Variants in ZMYND8 observed in about 807,000 individuals in gnomAD.
ZMYND8 encodes zinc finger MYND-type containing 8, also known as MYND-type zinc finger-containing chromatin reader ZMYND8.
ZMYND8 carries 37 observed loss-of-function variants against 140.8 expected under a neutral mutation model. The observed-to-expected ratio is 0.26, with a 90% confidence interval of 0.20 to 0.35. The LOEUF is 0.35. ZMYND8 is among the 10% of genes least tolerant of loss of function. The pLI is 1.00. For missense variants in ZMYND8, 1,068 were observed against 1,570.0 expected, an observed-to-expected ratio of 0.68 and a Z score of 5.40; for synonymous variants, 592 against 597.1, an observed-to-expected ratio of 0.99 and a Z score of 0.12.
At chr20:47,244,288 C>A (rs1371098825) in intron 14 of ZMYND8, among the ~76,000 whole-genome samples, 1 of 152,216 alleles carries the variant, frequency 6.6e-6, no homozygotes, top group Admixed American at 6.5e-5. Context: ...AAGTCACTCG[C>A]CACATACATA....
chr20:47,321,856 C>CTTTTTTTT (rs60425976), intron 2 of ZMYND8, among the ~76,000 whole-genome samples: 14 of 123,474 alleles, frequency 1.1e-4, no homozygotes, highest in African/African-American at 4.6e-4. Context: ...ACTCGCCGCC[C>CTTTTTTTT]TTTTTTTTTT....
At chr20:47,259,576 G>A (rs904912344) in intron 12 of ZMYND8, among the ~76,000 whole-genome samples, 2 of 152,076 alleles carry the variant, frequency 1.3e-5, no homozygotes, top group African/African-American at 2.4e-5. Context: ...ACAGGTGGCC[G>A]CCCTCTCTTT....
Position 47,298,793 on chromosome 20 carries a change from T to A in ZMYND8, c.389A>T (p.Tyr130Phe), listed in dbSNP as rs780032429. 1 of 1,614,146 alleles carries A rather than the reference T, an allele frequency of 6.2e-7. No individual in the cohort carries two copies. The highest frequency in any genetic ancestry group is 1.1e-5 in the South Asian group (1 of 91,076). Residue 130 changes from tyrosine to phenylalanine, a missense_variant, in exon 4 of 23, where the codon TAT becomes TTT. Tyr to Phe is a conservative substitution (Grantham distance 22, BLOSUM62 3). Around this residue, in one of 10 missense-constraint regions of ZMYND8, gnomAD observed 109 missense variants for 314.9 expected, o/e 0.35. Transcript: ENST00000471951. This position sits in a 1 kb window ranked among gnomAD's most constrained non-coding sequence, Gnocchi z 5.0. ...VLCCELCPRVYHAKCLRLTSE... is the reference protein window; with the variant it reads ...VLCCELCPRVFHAKCLRLTSE... ...TGTCAGTCTCAGACACTTAGCGTGA[T>A]AAACCCGGGGACAGAGCTCACAGCA...
chr20:47,253,206 T>C (rs147245111), intron 12 of ZMYND8, among the ~76,000 whole-genome samples: 87 of 152,280 alleles, frequency 5.7e-4, no homozygotes, highest in Non-Finnish European at 8.8e-4. Flanking sequence ...TCTGACTCAA[T>C]TGGCTGAGGG....
chr20:47,301,753 T>C (rs2078063893), intron 3 of ZMYND8, among the ~76,000 whole-genome samples: 1 of 152,184 alleles, frequency 6.6e-6, no homozygotes, highest in Admixed American at 6.5e-5. Flanking sequence ...AAATATTGTA[T>C]AAAATTACCT....
At chr20:47,307,709 T>C (rs1371061313) in intron 3 of ZMYND8, among the ~76,000 whole-genome samples, 2 of 151,976 alleles carry the variant, frequency 1.3e-5, no homozygotes, top group East Asian at 3.9e-4. Flanking sequence ...GCGCCTGTAA[T>C]TCCAGCTACG....
At position 47,298,352 on chromosome 20, in the gene ZMYND8, G is replaced by A; in HGVS notation, c.453+377C>T. The A allele has an allele frequency of 1.0e-6, 1 of 985,364 alleles. No individual in the cohort carries two copies. The highest frequency in any genetic ancestry group is 1.2e-6 in the Non-Finnish European group (1 of 829,940). 61.0% of individuals were successfully genotyped at this position (985,364 alleles called of 1,614,324 possible). A position where few individuals can be genotyped will look rare whatever the true frequency, so the allele number is the denominator to read the frequency against. On this transcript the variant is annotated intron_variant, in intron 4 of 22. Coordinates refer to ENST00000471951, the MANE Select transcript of ZMYND8 (RefSeq NM_001281775.3). The surrounding 1 kb of genome is among the most constrained non-coding windows in gnomAD (Gnocchi z 5.0). The stretch of plus-strand genomic sequence containing the variant: ...TGGCTACTGCTGATGATTCAATGAT[G>A]CGGCAGGCAACAACATCCAAGACGG...
chr20:47,349,969 T>C, intron 1 of ZMYND8: 2 of 1,530,984 alleles, frequency 1.3e-6, no homozygotes, highest in Non-Finnish European at 8.7e-7. Context: ...AGGAGCTGAA[T>C]ACTTCAGGCA....
At chr20:47,350,470 T>C (rs1156522231) in intron 1 of ZMYND8, among the ~76,000 whole-genome samples, 1 of 145,518 alleles carries the variant, frequency 6.9e-6, no homozygotes. Context: ...TGTGTGTGTG[T>C]TTTTTTTTGA....
At chr20:47,293,683 C>A (rs1246872571) in intron 5 of ZMYND8, among the ~76,000 whole-genome samples, 2 of 152,148 alleles carry the variant, frequency 1.3e-5, no homozygotes, top group Non-Finnish European at 2.9e-5. Flanking sequence ...GCTCCCCTTG[C>A]TGGGTGTTAT....
chr20:47,280,390 C>G (rs1217307791), intron 10 of ZMYND8, among the ~76,000 whole-genome samples: 3 of 152,158 alleles, frequency 2.0e-5, no homozygotes, highest in Admixed American at 2.0e-4. Context: ...CACGACAGCT[C>G]TCATCCAGAA....
intron 1 of ZMYND8, among the ~76,000 whole-genome samples, chr20:47,356,201 G>A (rs1453481537): frequency 2.1e-5 from 3 of 145,732 alleles, no homozygotes; most frequent in Non-Finnish European, 4.5e-5. Flanking sequence ...CCTTGGAGAG[G>A]AGCCTGTTTG....
chr20:47,223,619 G>A (rs942626245), intron 19 of ZMYND8, among the ~76,000 whole-genome samples: 4 of 152,058 alleles, frequency 2.6e-5, no homozygotes, highest in African/African-American at 7.3e-5. Flanking sequence ...GAGGTCAGGA[G>A]TTAAAGACCA....
intron 21 of ZMYND8, among the ~76,000 whole-genome samples, chr20:47,219,523 CAAA>C (rs11482247): frequency 7.4e-6 from 1 of 135,038 alleles, no homozygotes; most frequent in Non-Finnish European, 1.6e-5. Context: ...AAGACTGTCT[CAAA>C]AAAAAAAAAA....
In ZMYND8 at chr20:47,298,575, T is replaced by G; in HGVS notation, c.453+154A>C. ...GCAGTACTGCAGCCACTGCCGGTGT[T>G]GGTCAAGAAGGGGGTGACCAGGATA... On this transcript the variant is annotated intron_variant, in intron 4 of 22. Coordinates refer to ENST00000471951, the MANE Select transcript of ZMYND8 (RefSeq NM_001281775.3). This position sits in a 1 kb window ranked among gnomAD's most constrained non-coding sequence, Gnocchi z 5.0. The G allele has an allele frequency of 6.9e-7, 1 of 1,455,270 alleles. No individual in the cohort carries two copies. The highest frequency in any genetic ancestry group is 2.6e-5 in the Admixed American group (1 of 38,012). 90.1% of individuals were successfully genotyped at this position (1,455,270 alleles called of 1,614,324 possible).
intron 2 of ZMYND8, among the ~76,000 whole-genome samples, chr20:47,312,603 T>C (rs965549735): frequency 3.3e-5 from 5 of 152,058 alleles, no homozygotes; most frequent in African/African-American, 1.2e-4. Flanking sequence ...CTAGCCAACA[T>C]GGTGAAACCC....
chr20:47,329,039 ACAC>A (rs2080711935), intron 2 of ZMYND8, among the ~76,000 whole-genome samples: 1 of 152,238 alleles, frequency 6.6e-6, no homozygotes, highest in South Asian at 2.1e-4. Flanking sequence ...TGAACAAAAC[ACAC>A]CAACTTGCAA....
At chr20:47,301,036 TGATGAAG>T (rs1038519122) in intron 3 of ZMYND8, among the ~76,000 whole-genome samples, 4 of 152,052 alleles carry the variant, frequency 2.6e-5, no homozygotes, top group African/African-American at 9.7e-5. Flanking sequence ...CCACAATCCT[TGATGAAG>T]AGCCTTGTAG....
chr20:47,338,995 C>CA (rs1480373457), intron 2 of ZMYND8, among the ~76,000 whole-genome samples: 3 of 144,554 alleles, frequency 2.1e-5, no homozygotes, highest in African/African-American at 7.8e-5. Context: ...TTTTGTGAGA[C>CA]AGAGTCTCGC....
Sources: gnomAD v4.1 joint callset for allele counts (sites outside exome capture counted in the v4.1 genomes callset) on GRCh38, gnomAD v4.1.1 for gene constraint, gnomAD v4.1.1 regional missense constraint, Gnocchi (gnomAD v3.1) non-coding constraint, MANE v1.5 for transcripts, NCBI Gene and HGNC (gene_info 2026-07-23, HGNC 2026-07-21) for gene names.